HORMAD2: variants seen among roughly 807,000 people sequenced by gnomAD.
HORMAD2 encodes the protein HORMA domain containing 2, also known as HORMA domain-containing protein 2.
In HORMAD2, 45 loss-of-function variants were observed where a neutral mutation model predicts 38.8. The ratio of observed to expected loss-of-function variants is 1.16; its 90% CI spans 0.91 to 1.49. The LOEUF (loss-of-function observed/expected upper bound fraction) is 1.49, where lower values mean the gene tolerates loss of function less well. HORMAD2 is among the 40% of genes most tolerant of loss of function. HORMAD2 has a pLI of 0.00. For missense variants in HORMAD2, 338 were observed against 367.0 expected (o/e 0.92, Z 0.65); for synonymous variants, 126 against 122.8 (o/e 1.03, Z -0.17).
chr22:30,170,850 T>C (rs1009708773), intron 10 of HORMAD2, among the ~76,000 whole-genome samples: 1 of 152,196 alleles, frequency 6.6e-6, no homozygotes, highest in Admixed American at 6.5e-5. Flanking sequence ...ACTCTTCAAA[T>C]GACTTCAAGG....
chr22:30,114,157 A>G (rs1483268704), intron 7 of HORMAD2, among the ~76,000 whole-genome samples: 1 of 152,216 alleles, frequency 6.6e-6, no homozygotes, highest in African/African-American at 2.4e-5. Flanking sequence ...TATAATAATG[A>G]AGTTAGGAAA....
chr22:30,098,445 C>A (rs898944117), intron 2 of HORMAD2, among the ~76,000 whole-genome samples: 8 of 152,024 alleles, frequency 5.3e-5, no homozygotes, highest in Non-Finnish European at 8.8e-5. Context: ...AAAGAAGTTA[C>A]ATATTATGAG....
At chr22:30,188,029 G>A in the HORMAD2 span, among the ~76,000 whole-genome samples, 1 of 151,862 alleles carries the variant, frequency 6.6e-6, no homozygotes, top group Admixed American at 6.6e-5. Flanking sequence ...CTCTTTCTTT[G>A]ATAGGTGTTG....
chr22:30,115,749 A>G (rs1271949542), intron 7 of HORMAD2, among the ~76,000 whole-genome samples: 1 of 152,228 alleles, frequency 6.6e-6, no homozygotes, highest in Non-Finnish European at 1.5e-5. Flanking sequence ...AGTGCTATGA[A>G]GAAAATTTTT....
chr22:30,108,758 A>G (rs952110963), intron 5 of HORMAD2, among the ~76,000 whole-genome samples: 6 of 152,312 alleles, frequency 3.9e-5, no homozygotes, highest in African/African-American at 1.4e-4. Flanking sequence ...GACCATGTCT[A>G]TTTTTGAATG....
chr22:30,171,279 A>G (rs1284635199), intron 10 of HORMAD2, among the ~76,000 whole-genome samples: 1 of 152,146 alleles, frequency 6.6e-6, no homozygotes, highest in Non-Finnish European at 1.5e-5. Context: ...TCAGACTTCC[A>G]CAGATAGCCA....
At chr22:30,194,003 C>G in the HORMAD2 span, among the ~76,000 whole-genome samples, 6 of 152,312 alleles carry the variant, frequency 3.9e-5, no homozygotes, top group African/African-American at 1.2e-4. Flanking sequence ...GGGCCTTGGT[C>G]ACTGAATGAC....
intron 1 of HORMAD2, among the ~76,000 whole-genome samples, chr22:30,090,963 A>G (rs949265614): frequency 9.2e-5 from 14 of 152,190 alleles, no homozygotes; most frequent in African/African-American, 3.4e-4. Context: ...GTAATTTTAT[A>G]TCCATTAACT....
downstream of HORMAD2, among the ~76,000 whole-genome samples, chr22:30,178,489 G>A (rs1926572816): frequency 6.6e-6 from 1 of 152,196 alleles, no homozygotes; most frequent in South Asian, 2.1e-4. Context: ...TGAACTATCT[G>A]ATTTTACACA....
intron 7 of HORMAD2, among the ~76,000 whole-genome samples, chr22:30,118,287 A>G (rs1246950092): frequency 1.3e-5 from 2 of 151,962 alleles, no homozygotes; most frequent in African/African-American, 4.8e-5. Context: ...ACCCTAGAAG[A>G]GGCATCCCTC....
chr22:30,171,969 G>A (rs9614153), intron 10 of HORMAD2, among the ~76,000 whole-genome samples: 23,153 of 152,056 alleles, frequency 0.15, 1,859 homozygotes, highest in South Asian at 0.26. Context: ...CACAGCCAGG[G>A]CCTGAGGAGT....
chr22:30,121,848 G>A, intron 9 of HORMAD2, 59 bp downstream of exon 9: 1 of 1,553,992 alleles, frequency 6.4e-7, no homozygotes, highest in Non-Finnish European at 8.7e-7. Context: ...TTTTCTATAA[G>A]TAAAAGGATT....
intron 1 of HORMAD2, among the ~76,000 whole-genome samples, chr22:30,087,786 A>G (rs773101125): frequency 1.3e-5 from 2 of 152,170 alleles, no homozygotes; most frequent in East Asian, 1.9e-4. Context: ...CTCACTTACT[A>G]TTGCAAGAAC....
rs149994542 is a variant in HORMAD2 at position 30,158,460 on chromosome 22, CCTTT to C, written c.820-17590_820-17587del. 6.2e-3 allele frequency among the ~76,000 whole-genome samples: 949 copies of C among 151,988 alleles called. 4 individuals are homozygous for C. Among genetic ancestry groups the C allele is most frequent in the African/African-American group, 0.015 (630 of 41,440 alleles). ...GGTATAGCTTGCTCACTCTTTCTTT[CCTTT>C]CTTTCTTTCTTTTCTTTTCTTTTTT... is the stretch of plus-strand genomic sequence containing the variant. On this transcript the variant is annotated intron_variant, in intron 10 of 10. Coordinates refer to ENST00000336726, the MANE Select transcript of HORMAD2 (RefSeq NM_152510.4).
At chr22:30,204,330 T>C in the HORMAD2 span, among the ~76,000 whole-genome samples, 1 of 152,140 alleles carries the variant, frequency 6.6e-6, no homozygotes, top group African/African-American at 2.4e-5. Flanking sequence ...TTGGTGACCA[T>C]GAATAAGTTT....
At chr22:30,154,622 C>T (rs1209854359) in intron 10 of HORMAD2, among the ~76,000 whole-genome samples, 4 of 152,160 alleles carry the variant, frequency 2.6e-5, no homozygotes, top group African/African-American at 4.8e-5. Flanking sequence ...TCTTTAGCTT[C>T]CCTTAGCTTG....
chr22:30,088,246 CATATACACACATATATACAT>C (rs1230831756), intron 1 of HORMAD2, among the ~76,000 whole-genome samples: 2 of 149,198 alleles, frequency 1.3e-5, no homozygotes, highest in East Asian at 3.9e-4. Context: ...CACATATATA[CATATACACACATATATACAT>C]ATATACACAC....
At chr22:30,085,267 G>A (rs1358568028) in intron 1 of HORMAD2, among the ~76,000 whole-genome samples, 3 of 152,164 alleles carry the variant, frequency 2.0e-5, no homozygotes, top group South Asian at 2.1e-4. Context: ...GGTTTCCAGC[G>A]GCTGGGGAAA....
intron 10 of HORMAD2, among the ~76,000 whole-genome samples, chr22:30,126,693 T>C (rs189721179): frequency 6.6e-6 from 1 of 152,344 alleles, no homozygotes; most frequent in Non-Finnish European, 1.5e-5. Flanking sequence ...CTGGTGGGAA[T>C]AGAATTACTA....
Sources: gnomAD v4.1 joint callset for allele counts (sites outside exome capture counted in the v4.1 genomes callset) on GRCh38, gnomAD v4.1.1 for gene constraint, MANE v1.5 for transcripts, NCBI Gene and HGNC (gene_info 2026-07-23, HGNC 2026-07-21) for gene names.